EML1: variants seen among roughly 807,000 people sequenced by gnomAD.
EML1 encodes the protein EMAP like 1.
In EML1, 27 loss-of-function variants were observed where a neutral mutation model predicts 110.4. The ratio of observed to expected loss-of-function variants is 0.24; its 90% CI spans 0.18 to 0.34. EML1 has a LOEUF of 0.34. Ranked by LOEUF, EML1 falls within the 10% of genes least tolerant of loss-of-function variation. The pLI is 1.00. For synonymous variants in EML1, 344 were observed against 385.8 expected (o/e 0.89, Z 1.27); for missense variants, 741 against 1,030.9 (o/e 0.72, Z 3.85).
chr14:99,893,950 AT>A (rs1466080780), intron 5 of EML1, among the ~76,000 whole-genome samples: 1 of 152,170 alleles, frequency 6.6e-6, no homozygotes, highest in Non-Finnish European at 1.5e-5. Context: ...TGTCCCTATG[AT>A]TTATTGAAAT....
At chr14:99,760,934 C>A (rs891775125) in intron 1 of EML1, among the ~76,000 whole-genome samples, 2 of 152,092 alleles carry the variant, frequency 1.3e-5, no homozygotes, top group African/African-American at 4.8e-5. Context: ...CAGAGACAAC[C>A]AAGGCCTGAG....
In EML1 at chr14:99,878,514, G is replaced by A. The variant is rs761071014; in HGVS notation, c.413G>A (p.Arg138Gln). The A allele has an allele frequency of 6.2e-7, 1 of 1,613,962 alleles. No homozygotes were observed. Among genetic ancestry groups the A allele is most frequent in the East Asian group, 2.2e-5 (1 of 44,884 alleles). The change falls in exon 4 of 22, where the codon CGA (arginine) becomes CAA (glutamine). Residue 138 changes from arginine (R) to glutamine (Q), a missense_variant. This residue lies in a region of EML1 where 226 missense variants were observed against 255.6 expected (regional missense o/e 0.88). Coordinates refer to ENST00000262233, the MANE Select transcript of EML1 (RefSeq NM_004434.3). ...ATCAAGAGGACCAGCTCTTCTGAAC[G>A]AGTGTCTCCTGGGGGTCGAAGGGAA... ...SNIKRTSSSE[R>Q]VSPGGRRESN...
intron 1 of EML1, among the ~76,000 whole-genome samples, chr14:99,809,111 C>A (rs1487348268): frequency 1.3e-5 from 2 of 152,136 alleles, no homozygotes; most frequent in Non-Finnish European, 2.9e-5. Flanking sequence ...GTAATCTATA[C>A]CTTTATAAAA....
intron 1 of EML1, among the ~76,000 whole-genome samples, chr14:99,748,184 TC>T (rs1421643833): frequency 1.3e-5 from 2 of 152,092 alleles, no homozygotes; most frequent in African/African-American, 4.8e-5. Context: ...AGGGATGGCA[TC>T]GCTGCTCTGG....
intron 17 of EML1, among the ~76,000 whole-genome samples, chr14:99,931,882 G>A (rs542336433): frequency 1.2e-4 from 18 of 152,276 alleles, no homozygotes; most frequent in South Asian, 4.1e-4. Context: ...CCGTCTTGCC[G>A]GGCAGTCGTC....
intron 3 of EML1, chr14:99,874,823 T>C: frequency 1.1e-6 from 1 of 945,690 alleles, no homozygotes; most frequent in Non-Finnish European, 1.6e-6. Context: ...CTTTCGATTT[T>C]GATGTGTGCG....
intron 1 of EML1, among the ~76,000 whole-genome samples, chr14:99,823,162 G>A (rs1385014374): frequency 6.6e-6 from 1 of 152,204 alleles, no homozygotes; most frequent in Non-Finnish European, 1.5e-5. Context: ...GCCAGCTTAT[G>A]ATGTGTAACT....
intron 1 of EML1, among the ~76,000 whole-genome samples, chr14:99,738,349 C>T (rs1249845902): frequency 1.3e-5 from 2 of 152,228 alleles, no homozygotes; most frequent in Non-Finnish European, 2.9e-5. Flanking sequence ...CCCTCATATC[C>T]TCTAGGTTGA....
intron 1 of EML1, among the ~76,000 whole-genome samples, chr14:99,787,067 G>C (rs1460897373): frequency 6.6e-6 from 1 of 152,160 alleles, no homozygotes; most frequent in Non-Finnish European, 1.5e-5. Context: ...CATTTGTCAG[G>C]GATGTTGTAG....
At chr14:99,874,306 G>A (rs767431604) in intron 3 of EML1, among the ~76,000 whole-genome samples, 1 of 152,254 alleles carries the variant, frequency 6.6e-6, no homozygotes, top group East Asian at 1.9e-4. Context: ...TTGGGTGTGC[G>A]GACAGAGAGC....
In EML1 at chr14:99,940,715, T is replaced by C. The variant is rs1233586212; in HGVS notation, c.*603T>C. 1 of 152,252 alleles carries C rather than the reference T, an allele frequency of 6.6e-6. No homozygotes were observed. The highest frequency in any genetic ancestry group is 1.5e-5 in the Non-Finnish European group (1 of 68,032). The allele number at this position is 152,252 out of a possible 1,614,324, so 9.4% of individuals were successfully genotyped here. A position where few individuals can be genotyped will look rare whatever the true frequency, so the allele number is the denominator to read the frequency against. ...TATCCCTCTTGTGCTAAGCAGACTC[T>C]ACTCCTAACTGACTTCAATATTTCA... On this transcript the variant is annotated 3_prime_UTR_variant, in exon 22 of 22. Transcript: ENST00000262233.
At chr14:99,861,851 A>C (rs900196052) in intron 2 of EML1, among the ~76,000 whole-genome samples, 1 of 152,234 alleles carries the variant, frequency 6.6e-6, no homozygotes, top group African/African-American at 2.4e-5. Flanking sequence ...TTGTAAGCAC[A>C]GAAGGTTCCC....
intron 1 of EML1, among the ~76,000 whole-genome samples, chr14:99,779,043 T>C (rs1388844935): frequency 6.6e-6 from 1 of 152,244 alleles, no homozygotes; most frequent in Admixed American, 6.5e-5. Flanking sequence ...CTCAGTAGGC[T>C]CTTTCAATCT....
At chr14:99,921,623 C>T (rs1023584939) in intron 17 of EML1, among the ~76,000 whole-genome samples, 6 of 152,168 alleles carry the variant, frequency 3.9e-5, no homozygotes, top group Non-Finnish European at 5.9e-5. Context: ...CAGTTTCCTG[C>T]GTCTGGAGCC....
In EML1 at chr14:99,782,543, G is replaced by C. The variant is rs953581896; in HGVS notation, c.-27+8530G>C. Among the ~76,000 whole-genome samples, 7 of 152,262 alleles carry C rather than the reference G, an allele frequency of 4.6e-5. No homozygotes were observed. In the South Asian group the frequency reaches 1.2e-3, roughly 27 times the overall value. ...CAGTGTGGCGAAATGTGTGAGCCCA[G>C]GGTCAGTTCTCAGCAATTGTCTGTG... On this transcript the variant is annotated intron_variant, in intron 1 of 22. Transcript: ENST00000327921.
chr14:99,849,211 T>C (rs578235644), intron 1 of EML1, among the ~76,000 whole-genome samples: 1 of 152,352 alleles, frequency 6.6e-6, no homozygotes, highest in African/African-American at 2.4e-5. Flanking sequence ...TTATTTTGCT[T>C]GCTTTCTTGG....
At chr14:99,915,984 G>C (rs1261649375) in intron 15 of EML1, among the ~76,000 whole-genome samples, 1 of 152,240 alleles carries the variant, frequency 6.6e-6, no homozygotes, top group African/African-American at 2.4e-5. Flanking sequence ...GGCCCAAGGG[G>C]CAGGCACTGC....
At chr14:99,793,890 A>G (rs1242960633) in intron 1 of EML1, among the ~76,000 whole-genome samples, 1 of 151,524 alleles carries the variant, frequency 6.6e-6, no homozygotes, top group African/African-American at 2.4e-5. Flanking sequence ...GTTCCGGGGA[A>G]CGTGTTGCTT....
At chr14:99,798,886 A>G (rs1337316875) in intron 1 of EML1, among the ~76,000 whole-genome samples, 1 of 152,194 alleles carries the variant, frequency 6.6e-6, no homozygotes, top group Non-Finnish European at 1.5e-5. Context: ...TCAGATTACA[A>G]CACCATTATA....
Sources: gnomAD v4.1 joint callset for allele counts (sites outside exome capture counted in the v4.1 genomes callset) on GRCh38, gnomAD v4.1.1 for gene constraint, gnomAD v4.1.1 regional missense constraint, MANE v1.5 for transcripts, NCBI Gene and HGNC (gene_info 2026-07-23, HGNC 2026-07-21) for gene names.